PIK3C2A: variants seen among roughly 807,000 people sequenced by gnomAD.
The protein encoded by PIK3C2A is phosphatidylinositol-4-phosphate 3-kinase catalytic subunit type 2 alpha, also known as phosphatidylinositol 4-phosphate 3-kinase C2 domain-containing subunit alpha.
A neutral mutation model predicts 204.5 loss-of-function variants in PIK3C2A; 97 were observed. The ratio of observed to expected loss-of-function variants is 0.47; its 90% CI spans 0.40 to 0.56. PIK3C2A has a LOEUF of 0.56. PIK3C2A is among the 20% of genes least tolerant of loss of function. PIK3C2A has a pLI of 0.00. For missense variants in PIK3C2A, 1,735 were observed against 1,969.2 expected, an observed-to-expected ratio of 0.88 and a Z score of 2.25; for synonymous variants, 653 against 664.4, an observed-to-expected ratio of 0.98 and a Z score of 0.26.
chr11:17,113,949 G>C (rs1035313088), intron 20 of PIK3C2A, among the ~76,000 whole-genome samples: 1 of 150,700 alleles, frequency 6.6e-6, no homozygotes, highest in African/African-American at 2.5e-5. Context: ...GCATGGTGGC[G>C]TGTGCCTGTA....
chr11:17,193,304 G>A (rs535528264), intron 1 of PIK3C2A, among the ~76,000 whole-genome samples: 51 of 152,212 alleles, frequency 3.4e-4, no homozygotes, highest in Admixed American at 5.9e-4. Flanking sequence ...AGATTTTTCC[G>A]CCGCAGTTAG....
At position 17,100,360 on chromosome 11, in the gene PIK3C2A, C is replaced by T. The variant is rs953361466; in HGVS notation, c.4009-391G>A. Among the ~76,000 whole-genome samples, 5 of 150,782 alleles carry T rather than the reference C, an allele frequency of 3.3e-5. No individual in the cohort carries two copies. The South Asian group carries it at 6.3e-4, about 19-fold the overall frequency. On this transcript the variant is annotated intron_variant, in intron 25 of 32. Transcript: ENST00000691414. ...TCCTGAGTAGTTGGGATTACAGATA[C>T]GTACCACTATGCCTGGCGAACTTTT...
chr11:17,203,744 T>G (rs1014508087), intron 1 of PIK3C2A, among the ~76,000 whole-genome samples: 6 of 152,056 alleles, frequency 3.9e-5, no homozygotes, highest in African/African-American at 1.4e-4. Flanking sequence ...GTGGTGATCA[T>G]AGCTCACTGC....
chr11:17,180,521 C>CAA (rs1251030791), intron 1 of PIK3C2A, among the ~76,000 whole-genome samples: 1 of 131,718 alleles, frequency 7.6e-6, no homozygotes, highest in Non-Finnish European at 1.6e-5. Flanking sequence ...ACAACAACAA[C>CAA]AAAAAACAAA....
chr11:17,199,278 G>A (rs1591029042), intron 1 of PIK3C2A, among the ~76,000 whole-genome samples: 1 of 152,246 alleles, frequency 6.6e-6, no homozygotes, highest in East Asian at 1.9e-4. Context: ...TTGCTGCTAA[G>A]GGAATGTAAA....
intron 28 of PIK3C2A, among the ~76,000 whole-genome samples, chr11:17,093,657 G>GAC: frequency 6.7e-6 from 1 of 150,126 alleles, no homozygotes; most frequent in African/African-American, 2.5e-5. Flanking sequence ...TGGGGGGGGG[G>GAC]GACAGGGTCT....
chr11:17,107,729 A>G (rs1848870296), intron 22 of PIK3C2A, among the ~76,000 whole-genome samples: 1 of 152,250 alleles, frequency 6.6e-6, no homozygotes, highest in Non-Finnish European at 1.5e-5. Flanking sequence ...ATATATGAAA[A>G]CAGAGCTCTG....
intron 1 of PIK3C2A, among the ~76,000 whole-genome samples, chr11:17,180,503 C>T (rs1275630787): frequency 1.4e-5 from 2 of 141,570 alleles, no homozygotes; most frequent in Non-Finnish European, 1.5e-5. Context: ...GAAAACAAAA[C>T]AACAACAACA....
intron 2 of PIK3C2A, 76 bp from the exon 3 acceptor site, chr11:17,155,705 AT>A: frequency 1.4e-6 from 1 of 719,442 alleles, no homozygotes. Context: ...GCACAAACAC[AT>A]TTTTATGAAA....
chr11:17,170,797 C>T (rs538160242), intron 1 of PIK3C2A, among the ~76,000 whole-genome samples: 8 of 152,166 alleles, frequency 5.3e-5, no homozygotes, highest in African/African-American at 1.9e-4. Flanking sequence ...AGTCACATCA[C>T]CTTAGTTTAA....
At chr11:17,122,079 C>G in intron 15 of PIK3C2A, 109 bp downstream of exon 15, 1 of 617,544 alleles carries the variant, frequency 1.6e-6, no homozygotes, top group East Asian at 3.1e-5. Context: ...CTTTCCACAC[C>G]AAGAAAGCTG....
chr11:17,097,331 A>G, intron 26 of PIK3C2A, 67 bp from the exon 27 acceptor site: 1 of 978,978 alleles, frequency 1.0e-6, no homozygotes, highest in Non-Finnish European at 1.6e-6. Flanking sequence ...TCAATGTAAT[A>G]AATGACAAAA....
rs1216257263 is a variant in PIK3C2A, at chr11:17,169,781, T to C, written c.-40A>G. 5.0e-6 allele frequency: 7 copies of C among 1,388,976 alleles called. No homozygotes were observed. The highest frequency in any genetic ancestry group is 6.8e-6 in the Non-Finnish European group (7 of 1,024,782). The allele number at this position is 1,388,976 out of a possible 1,614,324, so 86.0% of individuals were successfully genotyped here. A position where few individuals can be genotyped will look rare whatever the true frequency, so the allele number is the denominator to read the frequency against. On this transcript the variant is annotated 5_prime_UTR_variant, in exon 2 of 33. Coordinates refer to ENST00000691414, the MANE Select transcript of PIK3C2A (RefSeq NM_002645.4). ...CCAAACCTTCCTTCCTCTATTTTTT[T>C]CTTGTAGCTTCCAAAATAGCAAGGC... is the stretch of plus-strand genomic sequence containing the variant.
At chr11:17,127,684 C>T (rs1280409408) in intron 13 of PIK3C2A, among the ~76,000 whole-genome samples, 4 of 152,008 alleles carry the variant, frequency 2.6e-5, no homozygotes, top group African/African-American at 7.3e-5. Context: ...TTTGAACATC[C>T]TATTATTGTC....
At position 17,133,949 on chromosome 11, in the gene PIK3C2A, G is replaced by A. The variant is rs549708609; in HGVS notation, c.2108+870C>T. Among the ~76,000 whole-genome samples the A allele has an allele frequency of 2.6e-5, 4 of 151,850 alleles. No homozygotes were observed. In the South Asian group the frequency reaches 8.3e-4, roughly 32 times the overall value. ...TCTCAAAAAAAAAAATAATAATAAT[G>A]AACGAACACCAGTCTTAAATTGCCT... is the stretch of plus-strand genomic sequence containing the variant. On this transcript the variant is annotated intron_variant, in intron 11 of 32. Coordinates refer to ENST00000691414, the MANE Select transcript of PIK3C2A (RefSeq NM_002645.4).
chr11:17,155,530 T>C lies in PIK3C2A; in HGVS notation c.1165A>G (p.Thr389Ala). Residue 389 changes from threonine (T) to alanine (A), a missense_variant, in exon 3 of 33, where the codon ACA becomes GCA. This residue lies in a region of PIK3C2A where 536 missense variants were observed against 546.7 expected (regional missense o/e 0.98). Coordinates refer to ENST00000691414, the MANE Select transcript of PIK3C2A (RefSeq NM_002645.4). ...EEMAAFCRSI[T>A]KLKTKFPYTN... ...TTATAAAGAAAAATTCCTTACTTTG[T>C]AATGGATCGACAAAAAGCTGCCATC... The C allele has an allele frequency of 6.4e-7, 1 of 1,562,334 alleles. No homozygotes were observed. The highest frequency in any genetic ancestry group is 8.8e-7 in the Non-Finnish European group (1 of 1,137,586).
At chr11:17,112,824 T>TCA (rs961627814) in intron 20 of PIK3C2A, among the ~76,000 whole-genome samples, 158 bp from the exon 21 acceptor site, 1 of 152,122 alleles carries the variant, frequency 6.6e-6, no homozygotes, top group Non-Finnish European at 1.5e-5. Context: ...CTTGCTTTGT[T>TCA]ACCCAGGCTG....
rs140656552 is a variant in PIK3C2A, at chr11:17,130,151, T to C, written c.2232-684A>G. On this transcript the variant is annotated intron_variant, in intron 12 of 32. Coordinates refer to ENST00000691414, the MANE Select transcript of PIK3C2A (RefSeq NM_002645.4). ...GGATGTAAGAATTCACACAAACATA[T>C]ATAATAAGTATATACACAAACAGCC... Among the ~76,000 whole-genome samples the C allele has an allele frequency of 1.6e-3, 249 of 152,278 alleles. 2 individuals are homozygous for C. In the East Asian group the frequency reaches 0.017, roughly 10 times the overall value.
intron 27 of PIK3C2A, among the ~76,000 whole-genome samples, chr11:17,096,096 T>C (rs1432087706): frequency 6.6e-6 from 1 of 151,732 alleles, no homozygotes; most frequent in Non-Finnish European, 1.5e-5. Flanking sequence ...TGGAGCGCAA[T>C]GGCACAATAT....
Sources: allele counts gnomAD v4.1 joint callset (sites outside exome capture counted in the v4.1 genomes callset), GRCh38; gene constraint gnomAD v4.1.1; regional missense constraint gnomAD v4.1.1; transcripts MANE v1.5; gene names NCBI Gene and HGNC (gene_info 2026-07-23, HGNC 2026-07-21).